AUTS2: variants seen among roughly 807,000 people sequenced by gnomAD.
The protein encoded by AUTS2 is autism susceptibility gene 2 protein.
In AUTS2, 17 loss-of-function variants were observed where a neutral mutation model predicts 112.4. The observed-to-expected ratio is 0.15, with a 90% CI of 0.10 to 0.23. AUTS2 has a LOEUF of 0.23. AUTS2 is among the 10% of genes least tolerant of loss of function. AUTS2 has a pLI of 1.00. For synonymous variants in AUTS2, 751 were observed against 702.7 expected, an observed-to-expected ratio of 1.07 and a Z score of -1.09; for missense variants, 1,510 against 1,701.6, an observed-to-expected ratio of 0.89 and a Z score of 1.98.
chr7:69,624,403 A>C (rs1212496599), intron 1 of AUTS2, among the ~76,000 whole-genome samples: 1 of 152,100 alleles, frequency 6.6e-6, no homozygotes, highest in Non-Finnish European at 1.5e-5. Context: ...CTCCATTCCA[A>C]CCCAATCAGA....
At chr7:70,278,287 A>G (rs908848297) in intron 4 of AUTS2, among the ~76,000 whole-genome samples, 2 of 152,148 alleles carry the variant, frequency 1.3e-5, no homozygotes, top group Non-Finnish European at 2.9e-5. Context: ...TTAAATGAGG[A>G]TTCATTTTAG....
chr7:70,514,107 A>G (rs987672254), intron 5 of AUTS2, among the ~76,000 whole-genome samples: 5 of 152,220 alleles, frequency 3.3e-5, no homozygotes, highest in Admixed American at 6.5e-5. Context: ...CTGTTTATCT[A>G]TATGAGATAG....
At chr7:70,458,075 C>T (rs1328873659) in intron 5 of AUTS2, among the ~76,000 whole-genome samples, 1 of 152,160 alleles carries the variant, frequency 6.6e-6, no homozygotes, top group East Asian at 1.9e-4. Context: ...ACTTAGTAAA[C>T]ATGAGCCCTT....
intron 5 of AUTS2, among the ~76,000 whole-genome samples, chr7:70,670,820 A>T (rs1807597250): frequency 6.6e-6 from 1 of 152,104 alleles, no homozygotes; most frequent in African/African-American, 2.4e-5. Flanking sequence ...TGACCTATTT[A>T]TGCCCAGGCA....
At chr7:70,496,236 G>GTC (rs1798492387) in intron 5 of AUTS2, among the ~76,000 whole-genome samples, 1 of 50,086 alleles carries the variant, frequency 2.0e-5, no homozygotes, top group Non-Finnish European at 3.6e-5. Flanking sequence ...CACGTACACA[G>GTC]TCACACACAC....
chr7:69,685,630 A>G (rs1248381063), intron 1 of AUTS2, among the ~76,000 whole-genome samples: 1 of 152,188 alleles, frequency 6.6e-6, no homozygotes, highest in Admixed American at 6.5e-5. Flanking sequence ...TTCAGACAAA[A>G]GGTTTTACCA....
intron 5 of AUTS2, among the ~76,000 whole-genome samples, chr7:70,570,710 C>G (rs1336752653): frequency 2.0e-5 from 3 of 152,186 alleles, no homozygotes; most frequent in African/African-American, 7.2e-5. Flanking sequence ...GTTATACTCT[C>G]TATGGTCTCT....
At chr7:69,940,245 A>G (rs1196468146) in intron 2 of AUTS2, among the ~76,000 whole-genome samples, 1 of 152,222 alleles carries the variant, frequency 6.6e-6, no homozygotes, top group Non-Finnish European at 1.5e-5. Context: ...AGAAGGGCAG[A>G]GAGTTGACAA....
chr7:70,279,654 A>G (rs574397040), intron 4 of AUTS2, among the ~76,000 whole-genome samples: 1 of 152,330 alleles, frequency 6.6e-6, no homozygotes, highest in Non-Finnish European at 1.5e-5. Context: ...CCAAGTCTAC[A>G]CTAAAATTAC....
chr7:70,449,489 C>A (rs1210026980), intron 5 of AUTS2, among the ~76,000 whole-genome samples: 2 of 152,220 alleles, frequency 1.3e-5, no homozygotes, highest in African/African-American at 4.8e-5. Flanking sequence ...TGCCTCTGTA[C>A]ATGGTGCTGG....
chr7:69,942,272 A>G (rs1341763762), intron 2 of AUTS2, among the ~76,000 whole-genome samples: 3 of 152,182 alleles, frequency 2.0e-5, no homozygotes, highest in Non-Finnish European at 2.9e-5. Context: ...TATTGTGGGC[A>G]CTCAGTAAAT....
intron 1 of AUTS2, among the ~76,000 whole-genome samples, chr7:69,870,932 A>T (rs973912286): frequency 6.6e-6 from 1 of 152,238 alleles, no homozygotes; most frequent in African/African-American, 2.4e-5. Flanking sequence ...TTAAATGCAG[A>T]TATGAGAGCA....
At chr7:70,748,209 A>G (rs959370355) in intron 6 of AUTS2, among the ~76,000 whole-genome samples, 10 of 152,102 alleles carry the variant, frequency 6.6e-5, no homozygotes, top group African/African-American at 2.4e-4. Context: ...CAAAGTTTAT[A>G]TTTGAACGTT....
At chr7:69,760,303 A>G (rs1034189126) in intron 1 of AUTS2, among the ~76,000 whole-genome samples, 2 of 149,748 alleles carry the variant, frequency 1.3e-5, no homozygotes, top group Non-Finnish European at 3.0e-5. Flanking sequence ...CCAATGTGCT[A>G]GGATTGCAGG....
intron 5 of AUTS2, among the ~76,000 whole-genome samples, chr7:70,650,281 C>G (rs1217859043): frequency 6.6e-6 from 1 of 152,172 alleles, no homozygotes; most frequent in African/African-American, 2.4e-5. Context: ...AGTCACCGTC[C>G]AAGAATAATG....
At chr7:70,245,636 T>C (rs1401355315) in intron 4 of AUTS2, among the ~76,000 whole-genome samples, 1 of 152,184 alleles carries the variant, frequency 6.6e-6, no homozygotes, top group African/African-American at 2.4e-5. Flanking sequence ...GGTTTACATA[T>C]ACCTTGTATT....
intron 1 of AUTS2, among the ~76,000 whole-genome samples, chr7:69,894,225 ATGAC>A (rs1304938725): frequency 2.1e-5 from 2 of 96,952 alleles, no homozygotes; most frequent in African/African-American, 8.3e-5. Context: ...TGCTTCTTCT[ATGAC>A]TGTCAAATGA....
At chr7:70,756,000 T>TTCC (rs1040829109) in intron 6 of AUTS2, among the ~76,000 whole-genome samples, 1 of 151,980 alleles carries the variant, frequency 6.6e-6, no homozygotes, top group Admixed American at 6.6e-5. Context: ...TTTTGCACTT[T>TTCC]TCCTCCTCCT....
chr7:70,424,175 A>T (rs1008692418), intron 4 of AUTS2, among the ~76,000 whole-genome samples: 1 of 152,158 alleles, frequency 6.6e-6, no homozygotes, highest in Non-Finnish European at 1.5e-5. Flanking sequence ...ATTTGAACCT[A>T]CGTCAGCCTC....
Sources: gnomAD v4.1 joint callset for allele counts (sites outside exome capture counted in the v4.1 genomes callset) on GRCh38, gnomAD v4.1.1 for gene constraint, MANE v1.5 for transcripts, NCBI Gene and HGNC (gene_info 2026-07-23, HGNC 2026-07-21) for gene names.